The following HCN1 variants were observed in gnomAD, a reference collection of about 807,000 sequenced individuals.
HCN1 encodes the protein hyperpolarization activated cyclic nucleotide gated potassium channel 1, also known as potassium/sodium hyperpolarization-activated cyclic nucleotide-gated channel 1.
In HCN1, 13 loss-of-function variants were observed where a neutral mutation model predicts 78.9. The observed-to-expected ratio is 0.16, with a 90% CI of 0.11 to 0.26. The LOEUF (loss-of-function observed/expected upper bound fraction) is 0.26. Among genes scored for constraint, HCN1 ranks in the 10% least tolerant of loss-of-function variants. The pLI, the probability that HCN1 is intolerant of heterozygous loss-of-function variation, is 1.00. For missense variants in HCN1, 810 were observed against 1,154.3 expected, an observed-to-expected ratio of 0.70 and a Z score of 4.32; for synonymous variants, 552 against 455.5, an observed-to-expected ratio of 1.21 and a Z score of -2.70.
chr5:45,402,663 T>A (rs1424412366), intron 3 of HCN1, among the ~76,000 whole-genome samples: 3 of 152,058 alleles, frequency 2.0e-5, no homozygotes, highest in Non-Finnish European at 4.4e-5. Context: ...CAATAACAAT[T>A]TTGAGAAGAC....
At chr5:45,396,080 G>A (rs1237480826) in intron 4 of HCN1, among the ~76,000 whole-genome samples, 2 of 152,014 alleles carry the variant, frequency 1.3e-5, no homozygotes, top group Non-Finnish European at 2.9e-5. Context: ...TATAGATGAG[G>A]GGGGGTACAG....
chr5:45,537,523 CTTTTTTTTTT>C (rs71000638), intron 2 of HCN1, among the ~76,000 whole-genome samples: 33 of 25,756 alleles, frequency 1.3e-3, no homozygotes, highest in African/African-American at 4.3e-3. Context: ...AACTCTAAGT[CTTTTTTTTTT>C]TTTTTTTTTT....
At chr5:45,540,797 TC>T (rs1171624278) in intron 2 of HCN1, among the ~76,000 whole-genome samples, 1 of 152,186 alleles carries the variant, frequency 6.6e-6, no homozygotes, top group Non-Finnish European at 1.5e-5. Context: ...ATTTTAACAA[TC>T]TGATAATAAT....
intron 5 of HCN1, among the ~76,000 whole-genome samples, chr5:45,340,722 T>C (rs950152691): frequency 6.6e-6 from 1 of 152,308 alleles, no homozygotes; most frequent in African/African-American, 2.4e-5. Flanking sequence ...AAAAGCTATA[T>C]ATGAATTTCC....
chr5:45,520,780 G>T (rs1742598963), intron 2 of HCN1, among the ~76,000 whole-genome samples: 1 of 151,938 alleles, frequency 6.6e-6, no homozygotes, highest in Admixed American at 6.6e-5. Flanking sequence ...TTACAATGGA[G>T]AATAAGCAGC....
intron 6 of HCN1, among the ~76,000 whole-genome samples, chr5:45,284,658 T>C (rs183948249): frequency 7.9e-5 from 12 of 152,104 alleles, no homozygotes; most frequent in Non-Finnish European, 1.6e-4. Flanking sequence ...TGAATGCTGC[T>C]TTAATTTCCC....
intron 1 of HCN1, among the ~76,000 whole-genome samples, chr5:45,667,858 T>G (rs940636905): frequency 1.3e-5 from 2 of 152,010 alleles, no homozygotes; most frequent in Non-Finnish European, 2.9e-5. Context: ...TAAAGTATTT[T>G]CACAGTATTA....
intron 5 of HCN1, among the ~76,000 whole-genome samples, chr5:45,308,570 T>C (rs1745785101): frequency 6.6e-6 from 1 of 152,114 alleles, no homozygotes; most frequent in South Asian, 2.1e-4. Flanking sequence ...AATGTGTCTG[T>C]TTATATTGTT....
chr5:45,298,265 A>G (rs184119949), intron 6 of HCN1, among the ~76,000 whole-genome samples: 2 of 152,150 alleles, frequency 1.3e-5, no homozygotes, highest in Admixed American at 1.3e-4. Context: ...CTTTATAAAC[A>G]GAGAAAGAAG....
At chr5:45,672,328 TTAA>T (rs955273587) in intron 1 of HCN1, among the ~76,000 whole-genome samples, 10 of 151,572 alleles carry the variant, frequency 6.6e-5, no homozygotes, top group Non-Finnish European at 1.3e-4. Context: ...AAAGTTATTG[TTAA>T]TAATAATAAG....
intron 6 of HCN1, among the ~76,000 whole-genome samples, chr5:45,296,960 G>C (rs548333726): frequency 2.6e-5 from 4 of 152,114 alleles, no homozygotes; most frequent in East Asian, 3.9e-4. Flanking sequence ...GCTGAGACCA[G>C]CTCGGTCAGG....
At chr5:45,456,103 A>T (rs1741024528) in intron 3 of HCN1, among the ~76,000 whole-genome samples, 1 of 152,000 alleles carries the variant, frequency 6.6e-6, no homozygotes. Context: ...TGGTTTACGC[A>T]TCTTAACTTT....
At chr5:45,695,301 G>T (rs1461779729) in intron 1 of HCN1, among the ~76,000 whole-genome samples, 2 of 152,104 alleles carry the variant, frequency 1.3e-5, no homozygotes, top group Non-Finnish European at 2.9e-5. Flanking sequence ...GCCGCGCGAG[G>T]AAGGGTGGCT....
At chr5:45,354,272 CA>C (rs1746967144) in intron 4 of HCN1, among the ~76,000 whole-genome samples, 1 of 151,608 alleles carries the variant, frequency 6.6e-6, no homozygotes, top group Admixed American at 6.6e-5. Flanking sequence ...CTAGGTGTTT[CA>C]AATGCAGGGG....
At chr5:45,596,164 C>T (rs1028663047) in intron 2 of HCN1, among the ~76,000 whole-genome samples, 2 of 152,064 alleles carry the variant, frequency 1.3e-5, no homozygotes, top group East Asian at 3.9e-4. Flanking sequence ...TCCCAAAGTG[C>T]TGGGATTACA....
At chr5:45,306,030 A>G (rs908509938) in intron 5 of HCN1, among the ~76,000 whole-genome samples, 24 of 152,118 alleles carry the variant, frequency 1.6e-4, no homozygotes, top group African/African-American at 5.6e-4. Flanking sequence ...TACTATTTCA[A>G]ATATTTCTAT....
rs1373277536 is a variant in HCN1, at chr5:45,261,089, T to G, written c.*832A>C. 1.3e-5 allele frequency: 2 copies of G among 152,604 alleles called. No individual in the cohort carries two copies. The highest frequency in any genetic ancestry group is 2.9e-5 in the Non-Finnish European group (2 of 68,032). The allele number at this position is 152,604 out of a possible 1,614,324, so 9.5% of individuals were successfully genotyped here. A position where few individuals can be genotyped will look rare whatever the true frequency, so the allele number is the denominator to read the frequency against. ...CAATTGAATAATTCTCACAATCAGGTTTTGTAAAATTTAAAACTCTAAGTT... is the reference window on the plus strand; with the variant it reads ...CAATTGAATAATTCTCACAATCAGGGTTTGTAAAATTTAAAACTCTAAGTT... On this transcript the variant is annotated 3_prime_UTR_variant, in exon 8 of 8. Coordinates refer to ENST00000303230, the MANE Select transcript of HCN1 (RefSeq NM_021072.4).
At chr5:45,331,124 T>C (rs1478529044) in intron 5 of HCN1, among the ~76,000 whole-genome samples, 1 of 151,254 alleles carries the variant, frequency 6.6e-6, no homozygotes, top group East Asian at 1.9e-4. Context: ...TCTTTGGCAT[T>C]GAACAGGTAG....
intron 6 of HCN1, among the ~76,000 whole-genome samples, chr5:45,283,010 T>C (rs1745198200): frequency 6.6e-6 from 1 of 152,190 alleles, no homozygotes; most frequent in African/African-American, 2.4e-5. Context: ...AAACTTGTAC[T>C]GCATCCTCCA....
Sources: gnomAD v4.1 joint callset for allele counts (sites outside exome capture counted in the v4.1 genomes callset) on GRCh38, gnomAD v4.1.1 for gene constraint, MANE v1.5 for transcripts, NCBI Gene and HGNC (gene_info 2026-07-23, HGNC 2026-07-21) for gene names.